FRMPD3: variants seen among roughly 807,000 people sequenced by gnomAD.
The protein encoded by FRMPD3 is FERM and PDZ domain containing 3.
In FRMPD3, 42 loss-of-function variants were observed where a neutral mutation model predicts 97.9. That is an observed-to-expected ratio of 0.43 (90% CI 0.34 to 0.55). The LOEUF (loss-of-function observed/expected upper bound fraction) is 0.55. Among genes scored for constraint, FRMPD3 ranks in the 20% least tolerant of loss-of-function variants. FRMPD3 has a pLI of 0.03. For synonymous variants in FRMPD3, 577 were observed against 581.1 expected, an observed-to-expected ratio of 0.99 and a Z score of 0.10; for missense variants, 1,303 against 1,457.7, an observed-to-expected ratio of 0.89 and a Z score of 1.73.
chrX:107,499,345 A>G (rs888279991), intron 1 of FRMPD3, among the ~76,000 whole-genome samples: 5 of 112,262 alleles, frequency 4.5e-5, no homozygotes, highest in African/African-American at 1.3e-4. Context: ...AAAGCCTGGT[A>G]TGGTCCCCAT....
At chrX:107,573,346 CA>C (rs1334245333) in intron 12 of FRMPD3, among the ~76,000 whole-genome samples, 2 of 111,636 alleles carry the variant, frequency 1.8e-5, no homozygotes, top group Non-Finnish European at 3.8e-5. Context: ...CATTTACACT[CA>C]AACCTCTGTA....
intron 1 of FRMPD3, among the ~76,000 whole-genome samples, chrX:107,471,257 C>CTTCCTTCCTTCCTTCCTTCT (rs1921049373): frequency 9.2e-6 from 1 of 108,622 alleles, no homozygotes; most frequent in African/African-American, 3.4e-5. Context: ...TCTTCTTTCC[C>CTTCCTTCCTTCCTTCCTTCT]TTCCTTCCTT....
intron 4 of FRMPD3, among the ~76,000 whole-genome samples, chrX:107,533,907 G>C (rs1218260308): frequency 8.9e-6 from 1 of 112,278 alleles, no homozygotes; most frequent in Non-Finnish European, 1.9e-5. Flanking sequence ...GATGATAGGT[G>C]CCAATCTTAT....
At chrX:107,538,634 C>T in intron 4 of FRMPD3, among the ~76,000 whole-genome samples, 1 of 108,655 alleles carries the variant, frequency 9.2e-6, no homozygotes, top group East Asian at 2.9e-4. Context: ...TGATAATGGC[C>T]TAATACCTAC....
chrX:107,564,373 T>A (rs1922510889), intron 11 of FRMPD3, among the ~76,000 whole-genome samples: 3 of 112,483 alleles, frequency 2.7e-5, no homozygotes, highest in Non-Finnish European at 1.9e-5. Flanking sequence ...CAATCAACCC[T>A]CAACACCTTA....
At chrX:107,488,524 G>A (rs985429361) in intron 1 of FRMPD3, among the ~76,000 whole-genome samples, 1 of 112,248 alleles carries the variant, frequency 8.9e-6, no homozygotes, top group Non-Finnish European at 1.9e-5. Flanking sequence ...TTTCCCAAGT[G>A]CAGAGAAAAA....
intron 6 of FRMPD3, among the ~76,000 whole-genome samples, chrX:107,551,324 G>A (rs764869109): frequency 1.8e-5 from 2 of 110,999 alleles, no homozygotes; most frequent in African/African-American, 6.6e-5. Context: ...GGCATGGGAG[G>A]GGGCATTGAA....
rs1170985688 is a variant in FRMPD3, at chrX:107,577,162, TAAAA to T, written c.1441+728_1441+731del. On this transcript the variant is annotated intron_variant, in intron 13 of 14. Transcript: ENST00000683843. ...TAACAAGGTGAAACCCTGTCTCTACTAAAAAAAAAAAAAAAAAAAAAAAAAAAAT... is the reference window on the plus strand; with the variant it reads ...TAACAAGGTGAAACCCTGTCTCTACTAAAAAAAAAAAAAAAAAAAAAAAAT... Among the ~76,000 whole-genome samples the T allele has an allele frequency of 3.8e-3, 122 of 32,060 alleles. 1 individual carries two copies. Among genetic ancestry groups the T allele is most frequent in the Non-Finnish European group, 3.8e-3 (61 of 16,164 alleles). The allele number at this position is 32,060 out of a possible 115,157, so 27.8% of individuals were successfully genotyped here.
intron 12 of FRMPD3, among the ~76,000 whole-genome samples, chrX:107,575,185 A>C (rs1185331190): frequency 4.4e-5 from 5 of 112,383 alleles, no homozygotes; most frequent in East Asian, 5.5e-4. Context: ...CAACAACAAC[A>C]ACCTTGTTAC....
chrX:107,477,354 G>A (rs1238778662), intron 1 of FRMPD3, among the ~76,000 whole-genome samples: 1 of 109,160 alleles, frequency 9.2e-6, no homozygotes, highest in African/African-American at 3.4e-5. Flanking sequence ...GAGGGGGGCT[G>A]GGGGGTGGGG....
At chrX:107,456,955 C>T (rs1931386276) in intron 1 of FRMPD3, among the ~76,000 whole-genome samples, 2 of 111,860 alleles carry the variant, frequency 1.8e-5, no homozygotes, top group Non-Finnish European at 3.8e-5. Context: ...ACCAGTTAGC[C>T]GGTTGTTACC....
At chrX:107,494,203 G>A (rs762798806) in intron 1 of FRMPD3, among the ~76,000 whole-genome samples, 3 of 111,948 alleles carry the variant, frequency 2.7e-5, no homozygotes, top group Non-Finnish European at 5.6e-5. Flanking sequence ...CATTCCCATC[G>A]GAGCAGAAGC....
At chrX:107,553,674 A>G (rs1318945207) in intron 7 of FRMPD3, among the ~76,000 whole-genome samples, 1 of 111,394 alleles carries the variant, frequency 9.0e-6, no homozygotes, top group African/African-American at 3.3e-5. Context: ...GGATTTTTGG[A>G]AAGAGAGATT....
At chrX:107,576,776 G>A (rs1010641392) in intron 13 of FRMPD3, among the ~76,000 whole-genome samples, 6 of 112,074 alleles carry the variant, frequency 5.4e-5, no homozygotes, top group Admixed American at 1.9e-4. Context: ...CAAACTTAGC[G>A]GTGCAGAGAT....
Position 107,564,983 on chromosome X carries a change from G to A in FRMPD3, c.1213G>A (p.Glu405Lys), listed in dbSNP as rs1569423721. Residue 405 changes from glutamate (E) to lysine (K), a missense_variant, in exon 12 of 15, where the codon GAG becomes AAG. Glu to Lys is a moderately conservative substitution (Grantham distance 56, BLOSUM62 1). Around this residue, in one of 3 missense-constraint regions of FRMPD3, gnomAD observed 535 missense variants for 618.6 expected, o/e 0.86. Transcript: ENST00000683843. ...LKTNLTTVLS[E>K]FSKISKIQLF... Reference sequence around the variant, plus strand: ...AACCAACCTCACCACTGTGCTGTCCGAGTTCAGCAAGATCAGCAAGATCCA... The same window carrying A: ...AACCAACCTCACCACTGTGCTGTCCAAGTTCAGCAAGATCAGCAAGATCCA... 1.7e-6 allele frequency: 2 copies of A among 1,208,989 alleles called. No homozygotes were observed. Among genetic ancestry groups the A allele is most frequent in the Non-Finnish European group, 1.1e-6 (1 of 894,388 alleles).
intron 2 of FRMPD3, among the ~76,000 whole-genome samples, chrX:107,529,972 T>C (rs1403691522): frequency 8.9e-6 from 1 of 111,950 alleles, no homozygotes; most frequent in Non-Finnish European, 1.9e-5. Flanking sequence ...TACCAAACCA[T>C]ACCCAGCTAA....
chrX:107,481,606 G>A (rs1437956794), intron 1 of FRMPD3, among the ~76,000 whole-genome samples: 1 of 112,089 alleles, frequency 8.9e-6, no homozygotes, highest in Non-Finnish European at 1.9e-5. Flanking sequence ...GCAAGAGAGA[G>A]GGAGAGCTAG....
chrX:107,476,781 G>A (rs1484685315), intron 1 of FRMPD3, among the ~76,000 whole-genome samples: 2 of 112,643 alleles, frequency 1.8e-5, no homozygotes, highest in Non-Finnish European at 3.7e-5. Flanking sequence ...GAGAATGTTA[G>A]ATCAGGAAGA....
chrX:107,578,175 C>A lies in FRMPD3; in HGVS notation c.1441+1716C>A, dbSNP rs183539733. On this transcript the variant is annotated intron_variant, in intron 13 of 14. Transcript: ENST00000683843. ...TGAAAAGGGAAGATAAAGTGAAGAA[C>A]CTGGAGCCCAGCCAAAGACCAAATG... 3.2e-3 allele frequency among the ~76,000 whole-genome samples: 354 copies of A among 112,037 alleles called. 2 individuals are homozygous for A. Among genetic ancestry groups the A allele is most frequent in the African/African-American group, 0.011 (337 of 30,896 alleles).
Sources: allele counts gnomAD v4.1 joint callset (sites outside exome capture counted in the v4.1 genomes callset), GRCh38; gene constraint gnomAD v4.1.1; regional missense constraint gnomAD v4.1.1; transcripts MANE v1.5; gene names NCBI Gene and HGNC (gene_info 2026-07-23, HGNC 2026-07-21).